Variants in HAVCR1 observed in about 807,000 individuals in gnomAD.
The protein encoded by HAVCR1 is hepatitis A virus cellular receptor 1.
Under a neutral mutation model 32.0 loss-of-function variants are expected in HAVCR1, and 34 were observed. The ratio of observed to expected loss-of-function variants is 1.06; its 90% CI spans 0.81 to 1.42. The LOEUF (loss-of-function observed/expected upper bound fraction) is 1.42. Ranked by LOEUF, HAVCR1 falls within the 40% of genes most tolerant of loss-of-function variation. The probability of loss-of-function intolerance (pLI) is 0.00; values close to 1 mark genes in which losing one functional copy is unlikely to be tolerated. For missense variants in HAVCR1, 420 were observed against 442.3 expected (o/e 0.95, Z 0.45); for synonymous variants, 178 against 170.3 (o/e 1.05, Z -0.35).
intron 4 of HAVCR1, among the ~76,000 whole-genome samples, chr5:157,051,695 C>T (rs1303493482): frequency 6.6e-6 from 1 of 152,134 alleles, no homozygotes; most frequent in Non-Finnish European, 1.5e-5. Context: ...CATGTAGAGA[C>T]AAGGTCTCTC....
In HAVCR1 at chr5:157,052,387, G is replaced by A; in HGVS notation, c.647C>T (p.Pro216Leu). Residue 216 changes from proline (P) to leucine (L), a missense_variant, in exon 4 of 9, where the codon CCT becomes CTT. By Grantham distance (98) the Pro-to-Leu change is moderately conservative. Transcript: ENST00000523175. ...TTVSTFVPPMPLPRQNHEPVA... is the reference protein window; with the variant it reads ...TTVSTFVPPMLLPRQNHEPVA... The stretch of plus-strand genomic sequence containing the variant: ...TGGTTCATGGTTCTGCCTGGGCAAA[G>A]GCATTGGAGGAACAAAGGTAGAGAC... The A allele has an allele frequency of 6.2e-7, 1 of 1,614,146 alleles. No homozygotes were observed. The highest frequency in any genetic ancestry group is 8.5e-7 in the Non-Finnish European group (1 of 1,179,992).
At chr5:157,048,371 T>C (rs78342131) in intron 5 of HAVCR1, among the ~76,000 whole-genome samples, 10 of 152,322 alleles carry the variant, frequency 6.6e-5, no homozygotes, top group South Asian at 4.1e-4. Flanking sequence ...CCAAATCACA[T>C]AAGCTATCTG....
rs773539537 is a variant in HAVCR1 at position 157,052,542 on chromosome 5, TGTCGTTGGAACAGTC to T, written c.477_491del (p.Thr165_Thr169del). On this transcript the variant is annotated inframe_deletion, in exon 4 of 9. Coordinates refer to ENST00000523175, the MANE Select transcript of HAVCR1 (RefSeq NM_001173393.3). The stretch of plus-strand genomic sequence containing the variant: ...GAATGCTCATTGTTGTTGGAACAGT[TGTCGTTGGAACAGTC>T]GTCATTGGAACAGTCGTTGTCGTTG... 4.5e-6 allele frequency: 7 copies of T among 1,542,814 alleles called. No individual in the cohort carries two copies. The highest frequency in any genetic ancestry group is 1.2e-5 in the South Asian group (1 of 86,656).
intron 6 of HAVCR1, among the ~76,000 whole-genome samples, chr5:157,042,374 G>A (rs1326075625): frequency 1.3e-5 from 2 of 150,910 alleles, no homozygotes; most frequent in African/African-American, 2.4e-5. Flanking sequence ...CCCGGGAAGC[G>A]GAGCTTACAG....
intron 5 of HAVCR1, among the ~76,000 whole-genome samples, chr5:157,044,983 G>A (rs557952891): frequency 1.3e-5 from 2 of 152,184 alleles, no homozygotes; most frequent in African/African-American, 4.8e-5. Flanking sequence ...GTGTGTGTGT[G>A]TATACAGTAG....
intron 5 of HAVCR1, among the ~76,000 whole-genome samples, chr5:157,044,666 AAAGAAAGAAAG>A (rs1755250537): frequency 7.6e-6 from 1 of 132,416 alleles, no homozygotes; most frequent in Non-Finnish European, 1.7e-5. Flanking sequence ...AGAAAGAAAG[AAAGAAAGAAAG>A]GAGGGAGGGA....
At chr5:157,036,853 G>A (rs971078722) in intron 7 of HAVCR1, among the ~76,000 whole-genome samples, 1 of 150,564 alleles carries the variant, frequency 6.6e-6, no homozygotes, top group Non-Finnish European at 1.5e-5. Context: ...TTTTTTAATG[G>A]TTTTTTTGTT....
intron 8 of HAVCR1, 142 bp downstream of exon 8, chr5:157,032,712 G>A (rs987381280): frequency 1.5e-6 from 1 of 651,950 alleles, no homozygotes; most frequent in Non-Finnish European, 2.7e-6. Flanking sequence ...ACTGGAAGGT[G>A]TAAATAATAG....
At chr5:157,068,443 C>T in the HAVCR1 span, among the ~76,000 whole-genome samples, 3 of 151,960 alleles carry the variant, frequency 2.0e-5, no homozygotes, top group East Asian at 1.9e-4. Context: ...TTTAATTAGC[C>T]GGGCATGGTG....
Position 157,029,688 on chromosome 5 carries a change from C to T in HAVCR1, c.*45G>A, listed in dbSNP as rs1281889926. 1.2e-6 allele frequency: 2 copies of T among 1,611,344 alleles called. No homozygotes were observed. The highest frequency in any genetic ancestry group is 2.2e-5 in the South Asian group (2 of 90,956). ...TCTGATGTGCTGATGTCTGTTCAGT[C>T]TTCTGCACTCATGGGCGTAAACTCT... On this transcript the variant is annotated 3_prime_UTR_variant, in exon 9 of 9. Coordinates refer to ENST00000523175, the MANE Select transcript of HAVCR1 (RefSeq NM_001173393.3).
intron 8 of HAVCR1, among the ~76,000 whole-genome samples, chr5:157,031,396 G>T (rs1754161865): frequency 6.6e-6 from 1 of 152,228 alleles, no homozygotes; most frequent in South Asian, 2.1e-4. Flanking sequence ...CTGAATCAGA[G>T]AAAGTCCTTG....
chr5:157,041,078 G>A (rs987842699), intron 6 of HAVCR1, among the ~76,000 whole-genome samples: 1 of 152,114 alleles, frequency 6.6e-6, no homozygotes, highest in Non-Finnish European at 1.5e-5. Context: ...AACTTACATG[G>A]AGGTAGAAGA....
intron 5 of HAVCR1, among the ~76,000 whole-genome samples, chr5:157,044,661 GA>G (rs774355185): frequency 7.7e-6 from 1 of 129,682 alleles, no homozygotes; most frequent in East Asian, 2.5e-4. Flanking sequence ...AAGAAAGAAA[GA>G]AAGAAAGAAA....
At chr5:157,046,675 G>A (rs1421955266) in intron 5 of HAVCR1, among the ~76,000 whole-genome samples, 2 of 152,300 alleles carry the variant, frequency 1.3e-5, no homozygotes, top group African/African-American at 2.4e-5. Flanking sequence ...TCAAGGCACA[G>A]GCTGATTACT....
intron 8 of HAVCR1, among the ~76,000 whole-genome samples, chr5:157,031,794 CA>C (rs57821791): frequency 0.53 from 56,283 of 106,308 alleles, 13,539 homozygotes; most frequent in East Asian, 0.67. Flanking sequence ...CTGGGTGTCT[CA>C]AAAAAAAAAA....
chr5:157,052,567 A>G lies in HAVCR1; in HGVS notation c.467T>C (p.Val156Ala). 3.9e-6 allele frequency: 4 copies of G among 1,026,274 alleles called. No homozygotes were observed. The highest frequency in any genetic ancestry group is 5.8e-6 in the Non-Finnish European group (4 of 692,930). The allele number at this position is 1,026,274 out of a possible 1,614,324, so 63.6% of individuals were successfully genotyped here. A position where few individuals can be genotyped will look rare whatever the true frequency, so the allele number is the denominator to read the frequency against. Residue 156 changes from valine (V) to alanine (A), a missense_variant, in exon 4 of 9, where the codon GTT becomes GCT. Coordinates refer to ENST00000523175, the MANE Select transcript of HAVCR1 (RefSeq NM_001173393.3). Reference sequence around the variant, plus strand: ...TGTCGTTGGAACAGTCGTCATTGGAACAGTCGTTGTCGTTGGAACAGTGGT... The same window carrying G: ...TGTCGTTGGAACAGTCGTCATTGGAGCAGTCGTTGTCGTTGGAACAGTGGT... ...TSTTVPTTTTVPMTTVPTTTV... is the reference protein window; with the variant it reads ...TSTTVPTTTTAPMTTVPTTTV...
chr5:157,038,004 C>A (rs1341662245), intron 6 of HAVCR1, among the ~76,000 whole-genome samples: 1 of 90,064 alleles, frequency 1.1e-5, no homozygotes, highest in African/African-American at 5.0e-5. Context: ...GAGACTCCAT[C>A]TCGAAAAAAA....
intron 5 of HAVCR1, among the ~76,000 whole-genome samples, chr5:157,043,643 G>A (rs1328529199): frequency 6.6e-6 from 1 of 152,158 alleles, no homozygotes; most frequent in East Asian, 1.9e-4. Context: ...ACTCCAGGCT[G>A]GGCAACAGAG....
chr5:157,052,384 A>G lies in HAVCR1; in HGVS notation c.650T>C (p.Leu217Ser), dbSNP rs766280042. Residue 217 changes from leucine to serine, a missense_variant, in exon 4 of 9, where the codon TTG becomes TCG. Coordinates refer to ENST00000523175, the MANE Select transcript of HAVCR1 (RefSeq NM_001173393.3). ...TVSTFVPPMP[L>S]PRQNHEPVAT... ...ACCTGGTTCATGGTTCTGCCTGGGC[A>G]AAGGCATTGGAGGAACAAAGGTAGA... 2 of 1,614,186 alleles carry G rather than the reference A, an allele frequency of 1.2e-6. No individual in the cohort carries two copies. Among genetic ancestry groups the G allele is most frequent in the Non-Finnish European group, 1.7e-6 (2 of 1,180,008 alleles).
Sources: gnomAD v4.1 joint callset for allele counts (sites outside exome capture counted in the v4.1 genomes callset) on GRCh38, gnomAD v4.1.1 for gene constraint, MANE v1.5 for transcripts, NCBI Gene and HGNC (gene_info 2026-07-23, HGNC 2026-07-21) for gene names.